TPRG1: variants seen among roughly 807,000 people sequenced by gnomAD.
TPRG1 encodes tumor protein p63 regulated 1, also known as tumor protein p63-regulated gene 1 protein.
TPRG1 carries 29 observed loss-of-function variants against 29.3 expected under a neutral mutation model. That is an observed-to-expected ratio of 0.99 (90% CI 0.74 to 1.35). The LOEUF is 1.35. Among genes scored for constraint, TPRG1 ranks in the 40% most tolerant of loss-of-function variants. The pLI is 0.00. For missense variants in TPRG1, 327 were observed against 335.0 expected (o/e 0.98, Z 0.19); for synonymous variants, 130 against 116.8 (o/e 1.11, Z -0.73).
At chr3:189,207,816 A>G (rs972589992) in intron 2 of TPRG1, among the ~76,000 whole-genome samples, 1 of 152,216 alleles carries the variant, frequency 6.6e-6, no homozygotes, top group African/African-American at 2.4e-5. Context: ...ATTAAGGAGA[A>G]GTGTGTCCTC....
At chr3:189,312,112 T>TTC (rs1722640907) in intron 5 of TPRG1, among the ~76,000 whole-genome samples, 1 of 72,052 alleles carries the variant, frequency 1.4e-5, no homozygotes, top group African/African-American at 7.2e-5. Flanking sequence ...TTTGTTTCTT[T>TTC]CTTTGTTTCT....
At chr3:189,190,558 G>T (rs1472440935) in intron 1 of TPRG1, among the ~76,000 whole-genome samples, 2 of 152,174 alleles carry the variant, frequency 1.3e-5, no homozygotes, top group Non-Finnish European at 2.9e-5. Context: ...CCTCTGCACA[G>T]AAATTATTTT....
chr3:189,280,311 A>G, intron 4 of TPRG1, among the ~76,000 whole-genome samples: 1 of 79,712 alleles, frequency 1.3e-5, no homozygotes, highest in East Asian at 3.5e-4. Flanking sequence ...GAATGGAATA[A>G]TATATATAAA....
chr3:189,304,828 A>G (rs1048171834), intron 4 of TPRG1, among the ~76,000 whole-genome samples: 4 of 152,184 alleles, frequency 2.6e-5, no homozygotes, highest in African/African-American at 9.7e-5. Context: ...GAAAGGAGAC[A>G]TTAAGAAAAT....
At chr3:189,033,563 T>G (rs1714065850) in intron 4 of TPRG1, among the ~76,000 whole-genome samples, 1 of 151,728 alleles carries the variant, frequency 6.6e-6, no homozygotes. Context: ...TATGAGCCAC[T>G]GCACTTAGCC....
intron 2 of TPRG1, 108 bp downstream of exon 2, chr3:189,207,702 T>G (rs1734620044): frequency 1.0e-6 from 1 of 993,038 alleles, no homozygotes; most frequent in Middle Eastern, 3.2e-4. Flanking sequence ...TTGTCTCATG[T>G]AATCGTCATA....
intron 3 of TPRG1, among the ~76,000 whole-genome samples, chr3:189,136,202 T>C (rs1723725651): frequency 6.6e-6 from 1 of 152,218 alleles, no homozygotes; most frequent in Non-Finnish European, 1.5e-5. Flanking sequence ...GTGTTCAGCC[T>C]CTTCACTTCC....
intron 3 of TPRG1, among the ~76,000 whole-genome samples, chr3:189,139,569 C>T (rs949371394): frequency 2.0e-5 from 3 of 152,048 alleles, no homozygotes; most frequent in Non-Finnish European, 2.9e-5. Flanking sequence ...TAACAACTCG[C>T]GACAATGATT....
At chr3:189,021,361 G>T (rs968540443) in intron 3 of TPRG1, among the ~76,000 whole-genome samples, 8 of 151,824 alleles carry the variant, frequency 5.3e-5, no homozygotes, top group Non-Finnish European at 1.2e-4. Flanking sequence ...ATTTTGCAGC[G>T]GCTGGTACCG....
chr3:189,203,454 C>T (rs943611453), intron 1 of TPRG1, among the ~76,000 whole-genome samples: 1 of 151,944 alleles, frequency 6.6e-6, no homozygotes, highest in Non-Finnish European at 1.5e-5. Context: ...TAGTCTTTAC[C>T]AATGTGAAAT....
chr3:189,153,680 G>C (rs1462448718), intron 5 of TPRG1, among the ~76,000 whole-genome samples: 4 of 152,200 alleles, frequency 2.6e-5, no homozygotes, highest in African/African-American at 9.7e-5. Context: ...TGGCAAATGG[G>C]ATCTGGGTGG....
intron 2 of TPRG1, among the ~76,000 whole-genome samples, chr3:189,127,471 A>G (rs1042618246): frequency 3.3e-4 from 50 of 152,318 alleles, no homozygotes; most frequent in African/African-American, 1.1e-3. Flanking sequence ...ATTATAACCA[A>G]TGTGCCAAGT....
chr3:189,261,661 C>A (rs1349942314), intron 4 of TPRG1, among the ~76,000 whole-genome samples: 1 of 152,068 alleles, frequency 6.6e-6, no homozygotes, highest in Non-Finnish European at 1.5e-5. Context: ...CATGCTTTAG[C>A]CCAAAGCAGG....
At chr3:189,255,317 G>A (rs1459239511) in intron 4 of TPRG1, among the ~76,000 whole-genome samples, 1 of 152,140 alleles carries the variant, frequency 6.6e-6, no homozygotes, top group Non-Finnish European at 1.5e-5. Flanking sequence ...TTATGTAATG[G>A]ATTACGTTTA....
intron 4 of TPRG1, among the ~76,000 whole-genome samples, chr3:189,038,674 A>G (rs943737389): frequency 6.6e-6 from 1 of 152,096 alleles, no homozygotes; most frequent in Non-Finnish European, 1.5e-5. Flanking sequence ...CTGTAGATAA[A>G]GGTAACAGAT....
chr3:189,139,618 T>G (rs1560480122), intron 3 of TPRG1, among the ~76,000 whole-genome samples: 1 of 152,062 alleles, frequency 6.6e-6, no homozygotes, highest in Non-Finnish European at 1.5e-5. Context: ...AGCAGCGTTT[T>G]CTTTTCAGCA....
At chr3:189,164,050 A>G (rs1032521359) in intron 5 of TPRG1, among the ~76,000 whole-genome samples, 1 of 152,160 alleles carries the variant, frequency 6.6e-6, no homozygotes, top group Non-Finnish European at 1.5e-5. Flanking sequence ...TTTTACATGA[A>G]GTTGGGAACT....
chr3:189,244,461 C>G (rs778233523), intron 4 of TPRG1, among the ~76,000 whole-genome samples: 1 of 152,036 alleles, frequency 6.6e-6, no homozygotes, highest in Non-Finnish European at 1.5e-5. Flanking sequence ...GTTCAGAGTT[C>G]TGCAGACTAT....
chr3:189,023,534 C>A (rs942311827), intron 3 of TPRG1, among the ~76,000 whole-genome samples: 1 of 152,182 alleles, frequency 6.6e-6, no homozygotes, highest in African/African-American at 2.4e-5. Flanking sequence ...CAGTTCTGAA[C>A]CCTTGCTGGA....
Sources: allele counts gnomAD v4.1 joint callset (sites outside exome capture counted in the v4.1 genomes callset), GRCh38; gene constraint gnomAD v4.1.1; transcripts MANE v1.5; gene names NCBI Gene and HGNC (gene_info 2026-07-23, HGNC 2026-07-21).